Variants in SH3BGR observed in about 807,000 individuals in gnomAD.
SH3BGR encodes the protein SH3 domain-binding glutamic acid-rich protein.
SH3BGR carries 29 observed loss-of-function variants against 24.5 expected under a neutral mutation model. That is an observed-to-expected ratio of 1.18 (90% CI 0.88 to 1.61). SH3BGR has a LOEUF of 1.61. Among genes scored for constraint, SH3BGR ranks in the 40% most tolerant of loss-of-function variants. The probability of loss-of-function intolerance (pLI) is 0.00; values close to 1 mark genes in which losing one functional copy is unlikely to be tolerated. For synonymous variants in SH3BGR, 55 were observed against 65.7 expected (o/e 0.84, Z 0.79); for missense variants, 162 against 205.8 (o/e 0.79, Z 1.30).
chr21:39,508,287 G>A (rs1039618448), intron 4 of SH3BGR, among the ~76,000 whole-genome samples: 15 of 152,236 alleles, frequency 9.9e-5, no homozygotes, highest in African/African-American at 3.1e-4. Context: ...GAGGTTTATC[G>A]GACCATTCTG....
At chr21:39,457,544 G>T (rs2077682615) in intron 1 of SH3BGR, among the ~76,000 whole-genome samples, 1 of 145,788 alleles carries the variant, frequency 6.9e-6, no homozygotes, top group South Asian at 2.1e-4. Flanking sequence ...TTATATATAA[G>T]ATTATTATAT....
intron 5 of SH3BGR, among the ~76,000 whole-genome samples, chr21:39,510,371 C>CACAT (rs2078659959): frequency 6.8e-6 from 1 of 147,020 alleles, no homozygotes; most frequent in African/African-American, 2.5e-5. Flanking sequence ...TACATACACA[C>CACAT]ACACACACAC....
At chr21:39,480,205 C>T (rs1403135071) in intron 3 of SH3BGR, among the ~76,000 whole-genome samples, 1 of 152,186 alleles carries the variant, frequency 6.6e-6, no homozygotes, top group Admixed American at 6.5e-5. Flanking sequence ...ATAATTCACA[C>T]ACCACACAAT....
chr21:39,490,007 G>A (rs181101323), intron 3 of SH3BGR, among the ~76,000 whole-genome samples: 2 of 152,286 alleles, frequency 1.3e-5, no homozygotes, highest in Admixed American at 6.5e-5. Context: ...ATGAGGGTAT[G>A]GAGAAAAGAA....
At chr21:39,514,956 G>T (rs996745193) in intron 6 of SH3BGR, 132 bp from the exon 7 acceptor site, 1 of 296,734 alleles carries the variant, frequency 3.4e-6, no homozygotes, top group Non-Finnish European at 6.8e-6. Flanking sequence ...TCAGTGGGGA[G>T]CAAATGATGA....
chr21:39,494,800 T>C (rs2078365879), intron 3 of SH3BGR, among the ~76,000 whole-genome samples: 1 of 152,106 alleles, frequency 6.6e-6, no homozygotes, highest in African/African-American at 2.4e-5. Context: ...TCTGCTCCAT[T>C]TGTTTTCATT....
chr21:39,478,921 T>C (rs367738948), intron 3 of SH3BGR, among the ~76,000 whole-genome samples: 1 of 152,216 alleles, frequency 6.6e-6, no homozygotes, highest in East Asian at 1.9e-4. Context: ...ATTCTGAGTT[T>C]ATTAAATATA....
chr21:39,472,107 A>G (rs536330761), intron 2 of SH3BGR, among the ~76,000 whole-genome samples: 68 of 152,256 alleles, frequency 4.5e-4, no homozygotes, highest in Admixed American at 3.5e-3. Context: ...TTGGCTTCAA[A>G]CTGCTCATTT....
rs2078463913 is a variant in SH3BGR, at chr21:39,499,860, C to T, written c.350C>T (p.Ala117Val). 6.2e-7 allele frequency: 1 copy of T among 1,613,512 alleles called. No individual in the cohort carries two copies. The highest frequency in any genetic ancestry group is 8.5e-7 in the Non-Finnish European group (1 of 1,179,796). The change falls in exon 4 of 7, where the codon GCA becomes GTA. Residue 117 changes from alanine to valine, a missense_variant. Transcript: ENST00000333634. ...EKAEEGGETE[A>V]QKEGSEDVGN... The stretch of plus-strand genomic sequence containing the variant: ...GCTGAAGAAGGTGGAGAAACTGAGG[C>T]ACAAAAAGAGGGCAGTGAAGATGTG...
intron 2 of SH3BGR, 115 bp from the exon 3 acceptor site, chr21:39,475,020 A>G (rs1192264741): frequency 3.2e-6 from 2 of 626,824 alleles, no homozygotes; most frequent in Admixed American, 2.9e-5. Context: ...AACTGGGATG[A>G]CTTTTTGTGT....
intron 5 of SH3BGR, among the ~76,000 whole-genome samples, chr21:39,509,665 G>A (rs1467610049): frequency 6.6e-6 from 1 of 151,556 alleles, no homozygotes; most frequent in East Asian, 1.9e-4. Flanking sequence ...AGTAGAGATG[G>A]GATTTCACCA....
At chr21:39,478,342 G>A (rs914807965) in intron 3 of SH3BGR, among the ~76,000 whole-genome samples, 9 of 152,136 alleles carry the variant, frequency 5.9e-5, no homozygotes, top group African/African-American at 1.7e-4. Context: ...GGAAGGTGCC[G>A]CTCCATCATC....
chr21:39,473,747 T>G (rs886404365), intron 2 of SH3BGR, among the ~76,000 whole-genome samples: 1 of 151,914 alleles, frequency 6.6e-6, no homozygotes, highest in Non-Finnish European at 1.5e-5. Context: ...TAGCTGGGCA[T>G]GATGGCATGC....
intron 3 of SH3BGR, among the ~76,000 whole-genome samples, chr21:39,495,672 A>G (rs1288149031): frequency 6.6e-6 from 1 of 152,104 alleles, no homozygotes; most frequent in Non-Finnish European, 1.5e-5. Flanking sequence ...TTGTAGAGGA[A>G]GGATCTTGCT....
chr21:39,474,554 T>G (rs891431972), intron 2 of SH3BGR, among the ~76,000 whole-genome samples: 17 of 152,194 alleles, frequency 1.1e-4, no homozygotes, highest in Admixed American at 9.8e-4. Context: ...CTGGCCCTGG[T>G]AGGATCTGGA....
At chr21:39,448,233 T>A (rs2077533612), upstream of SH3BGR, among the ~76,000 whole-genome samples, 1 of 152,208 alleles carries the variant, frequency 6.6e-6, no homozygotes, top group African/African-American at 2.4e-5. Context: ...CCAAATAAGG[T>A]TACATGCTGA....
At chr21:39,510,462 TACAC>T (rs148597054) in intron 5 of SH3BGR, among the ~76,000 whole-genome samples, 5 of 112,412 alleles carry the variant, frequency 4.4e-5, no homozygotes, top group African/African-American at 1.5e-4. Context: ...ACACTGTAGC[TACAC>T]ACACACACAC....
intron 2 of SH3BGR, 22 bp from the exon 3 acceptor site, chr21:39,475,113 C>G (rs1382778635): frequency 6.6e-7 from 1 of 1,505,298 alleles, no homozygotes; most frequent in Non-Finnish European, 9.2e-7. Flanking sequence ...TAGTTTTAAA[C>G]TTTCTTTTTC....
chr21:39,472,693 C>T (rs1292410267), intron 2 of SH3BGR, among the ~76,000 whole-genome samples: 3 of 152,182 alleles, frequency 2.0e-5, no homozygotes, highest in Non-Finnish European at 4.4e-5. Flanking sequence ...CACCCAGAAG[C>T]AAAGTTGAAT....
Sources: allele counts gnomAD v4.1 joint callset (sites outside exome capture counted in the v4.1 genomes callset), GRCh38; gene constraint gnomAD v4.1.1; transcripts MANE v1.5; gene names NCBI Gene and HGNC (gene_info 2026-07-23, HGNC 2026-07-21).